Variants in SUFU observed in about 807,000 individuals in gnomAD.
SUFU encodes the protein suppressor of fused homolog.
A neutral mutation model predicts 58.9 loss-of-function variants in SUFU; 7 were observed. The observed-to-expected ratio is 0.12, with a 90% CI of 0.07 to 0.22. The LOEUF (loss-of-function observed/expected upper bound fraction) is 0.22, where lower values mean the gene tolerates loss of function less well. SUFU is among the 10% of genes least tolerant of loss of function. The pLI, the probability that SUFU is intolerant of heterozygous loss-of-function variation, is 1.00. For missense variants in SUFU, 451 were observed against 641.3 expected (o/e 0.70, Z 3.20); for synonymous variants, 232 against 254.8 (o/e 0.91, Z 0.85).
At chr10:102,614,105 C>T (rs1403462026) in intron 8 of SUFU, among the ~76,000 whole-genome samples, 1 of 152,232 alleles carries the variant, frequency 6.6e-6, no homozygotes, top group Non-Finnish European at 1.5e-5. Flanking sequence ...AATGTGCATC[C>T]TCAGAGCCTT....
chr10:102,603,082 A>G (rs1327825425), intron 8 of SUFU, among the ~76,000 whole-genome samples: 1 of 152,188 alleles, frequency 6.6e-6, no homozygotes, highest in Non-Finnish European at 1.5e-5. Context: ...CTGGTCAGAC[A>G]TGGTCTACGG....
chr10:102,599,285 G>A lies in SUFU; in HGVS notation c.911-148G>A, dbSNP rs867752782. ...TCCCCTCGCAATCTGTACTCACTCA[G>A]CGCTTACATCTGGATGCGTAGAGTG... is the stretch of plus-strand genomic sequence containing the variant. On this transcript the variant is annotated intron_variant, in intron 7 of 11. Coordinates refer to ENST00000369902, the MANE Select transcript of SUFU (RefSeq NM_016169.4). 29 of 724,948 alleles carry A rather than the reference G, an allele frequency of 4.0e-5. No homozygotes were observed. In the Middle Eastern group the frequency reaches 3.3e-3, roughly 82 times the overall value. The allele number at this position is 724,948 out of a possible 1,614,324, so 44.9% of individuals were successfully genotyped here.
rs2062360518 is a variant in SUFU at position 102,508,664 on chromosome 10, CAT to C, written c.183-503_183-502del. The stretch of plus-strand genomic sequence containing the variant: ...TTTGTTTAGAACAAACTGTAATTAA[CAT>C]AGGGCACAATATAGTCTTTCAGGAA... On this transcript the variant is annotated intron_variant, in intron 1 of 11. Coordinates refer to ENST00000369902, the MANE Select transcript of SUFU (RefSeq NM_016169.4). Among the ~76,000 whole-genome samples, 5 of 152,334 alleles carry C rather than the reference CAT, an allele frequency of 3.3e-5. No individual in the cohort carries two copies. In the South Asian group the frequency reaches 1.0e-3, roughly 32 times the overall value.
chr10:102,516,125 C>CTTTTTTTTTTTTTTT (rs60544094), intron 2 of SUFU, among the ~76,000 whole-genome samples: 4 of 125,580 alleles, frequency 3.2e-5, no homozygotes, highest in Non-Finnish European at 6.6e-5. Flanking sequence ...TCTTTCTTTT[C>CTTTTTTTTTTTTTTT]TTTTTTTTTT....
chr10:102,619,545 G>A lies in SUFU; in HGVS notation c.1296+2117G>A. On this transcript the variant is annotated intron_variant, in intron 10 of 11. Coordinates refer to ENST00000369902, the MANE Select transcript of SUFU (RefSeq NM_016169.4). This position sits in a 1 kb window ranked among gnomAD's most constrained non-coding sequence, Gnocchi z 4.2. ...GAGAGCTCCTGGGAAGGCTGGCGGAGGCCCCACACCCCAAGCACCCACCCT... is the reference window on the plus strand; with the variant it reads ...GAGAGCTCCTGGGAAGGCTGGCGGAAGCCCCACACCCCAAGCACCCACCCT... 1.9e-6 allele frequency: 2 copies of A among 1,077,108 alleles called. No individual in the cohort carries two copies. The highest frequency in any genetic ancestry group is 2.3e-6 in the Non-Finnish European group (2 of 881,640). The allele number at this position is 1,077,108 out of a possible 1,614,324, so 66.7% of individuals were successfully genotyped here.
At chr10:102,517,339 TG>T (rs2062484243) in intron 2 of SUFU, among the ~76,000 whole-genome samples, 1 of 151,668 alleles carries the variant, frequency 6.6e-6, no homozygotes. Flanking sequence ...CTGAGTGGTG[TG>T]GTATTGTAAG....
rs765358771 is a variant in SUFU, at chr10:102,630,145, C to G, written c.1445C>G (p.Pro482Arg). The change falls in exon 12 of 12, where the codon CCG (proline) becomes CGG (arginine). Residue 482 changes from proline (P) to arginine (R), a missense_variant. By Grantham distance (103) the Pro-to-Arg change is moderately radical. Transcript: ENST00000369902. ...SILPDVVFDS[P>R]LH is the part of the protein sequence containing the mutation. ...CTGCCTGACGTGGTGTTCGACAGTC[C>G]GCTACACTAGCCTGGGCTGGGCCCT... is the stretch of plus-strand genomic sequence containing the variant. 6.2e-7 allele frequency: 1 copy of G among 1,614,004 alleles called. No individual in the cohort carries two copies. Among genetic ancestry groups the G allele is most frequent in the African/African-American group, 1.3e-5 (1 of 74,930 alleles).
At chr10:102,582,831 A>G (rs577450228) in intron 3 of SUFU, among the ~76,000 whole-genome samples, 10 of 152,320 alleles carry the variant, frequency 6.6e-5, no homozygotes, top group Admixed American at 3.3e-4. Flanking sequence ...GTGTCTACCC[A>G]GCCCTTACCT....
chr10:102,592,802 G>A, intron 4 of SUFU, 78 bp downstream of exon 4: 1 of 1,528,350 alleles, frequency 6.5e-7, no homozygotes, highest in Non-Finnish European at 9.0e-7. Context: ...TGAGGAGGGG[G>A]AGTGAAGGGA....
chr10:102,517,958 GCATGT>G lies in SUFU; in HGVS notation c.317+8656_317+8660del, dbSNP rs565483802. 1.6e-3 allele frequency among the ~76,000 whole-genome samples: 247 copies of G among 152,266 alleles called. 1 individual carries two copies. The highest frequency in any genetic ancestry group is 4.3e-3 in the African/African-American group (179 of 41,550). On this transcript the variant is annotated intron_variant, in intron 2 of 11. Transcript: ENST00000369902. ...CCGAGCGCCTGCCCTTAAAAATGCA[GCATGT>G]GCTTGGTAGGAGATGGTGAGGTCCT...
chr10:102,603,509 A>G (rs970301975), intron 8 of SUFU, among the ~76,000 whole-genome samples: 10 of 152,170 alleles, frequency 6.6e-5, no homozygotes, highest in African/African-American at 2.4e-4. Context: ...TAGAGGGGAA[A>G]AGTTCCTGAC....
chr10:102,630,679 G>T lies in SUFU; in HGVS notation c.*524G>T. On this transcript the variant is annotated 3_prime_UTR_variant, in exon 12 of 12. Coordinates refer to ENST00000369902, the MANE Select transcript of SUFU (RefSeq NM_016169.4). ...TTATTTTATTTTGTAGAAACCGGGTGGTATTTTATTGCTCTGCAAAGATGT... is the reference window on the plus strand; with the variant it reads ...TTATTTTATTTTGTAGAAACCGGGTTGTATTTTATTGCTCTGCAAAGATGT... The T allele has an allele frequency of 3.4e-6, 1 of 293,730 alleles. No individual in the cohort carries two copies. 18.2% of individuals were successfully genotyped at this position (293,730 alleles called of 1,614,324 possible).
intron 2 of SUFU, among the ~76,000 whole-genome samples, chr10:102,531,082 CAAAAAAAAAA>C (rs5787463): frequency 5.2e-5 from 5 of 95,396 alleles, no homozygotes; most frequent in African/African-American, 1.2e-4. Context: ...CCATTTCTAC[CAAAAAAAAAA>C]AAAAAAAAAA....
chr10:102,516,125 C>CTTTTTTTTTTT (rs60544094), intron 2 of SUFU, among the ~76,000 whole-genome samples: 3 of 125,572 alleles, frequency 2.4e-5, no homozygotes, highest in Non-Finnish European at 3.3e-5. Context: ...TCTTTCTTTT[C>CTTTTTTTTTTT]TTTTTTTTTT....
In SUFU at chr10:102,598,433, G is replaced by A. The variant is rs541183846; in HGVS notation, c.911-1000G>A. 1.5e-4 allele frequency among the ~76,000 whole-genome samples: 23 copies of A among 152,310 alleles called. 1 individual carries two copies. In the South Asian group the frequency reaches 4.8e-3, roughly 32 times the overall value. On this transcript the variant is annotated intron_variant, in intron 7 of 11. Coordinates refer to ENST00000369902, the MANE Select transcript of SUFU (RefSeq NM_016169.4). ...AGCCTCCCGAAGTGCTGGGATTACA[G>A]ATGTGAGCCACCGCACCCGGCCAAG...
chr10:102,558,950 C>T (rs1318683101), intron 3 of SUFU, among the ~76,000 whole-genome samples: 1 of 152,224 alleles, frequency 6.6e-6, no homozygotes, highest in Non-Finnish European at 1.5e-5. Flanking sequence ...CCTTACATGG[C>T]AAGCCATCTG....
rs1160473661 is a variant in SUFU, at chr10:102,633,202, G to A, written c.*3047G>A. On this transcript the variant is annotated 3_prime_UTR_variant, in exon 12 of 12. Coordinates refer to ENST00000369902, the MANE Select transcript of SUFU (RefSeq NM_016169.4). Reference sequence around the variant, plus strand: ...TTCTAGGACATCCATGCCAGGTGAGGTGCCTGGGTCCCTGTTACAAGTCAG... The same window carrying A: ...TTCTAGGACATCCATGCCAGGTGAGATGCCTGGGTCCCTGTTACAAGTCAG... 3 of 233,202 alleles carry A rather than the reference G, an allele frequency of 1.3e-5. No homozygotes were observed. The highest frequency in any genetic ancestry group is 6.6e-5 in the African/African-American group (3 of 45,308). The allele number at this position is 233,202 out of a possible 1,614,324, so 14.4% of individuals were successfully genotyped here.
At chr10:102,576,309 A>G (rs2063211741) in intron 3 of SUFU, among the ~76,000 whole-genome samples, 1 of 151,794 alleles carries the variant, frequency 6.6e-6, no homozygotes, top group Non-Finnish European at 1.5e-5. Flanking sequence ...CTGGGTACCT[A>G]TGAAATGGTT....
intron 8 of SUFU, among the ~76,000 whole-genome samples, chr10:102,605,000 C>T (rs762873656): frequency 3.4e-5 from 5 of 146,566 alleles, no homozygotes; most frequent in Admixed American, 7.0e-5. Flanking sequence ...GGCACAATCT[C>T]GGCTTACTGC....
Sources: gnomAD v4.1 joint callset for allele counts (sites outside exome capture counted in the v4.1 genomes callset) on GRCh38, gnomAD v4.1.1 for gene constraint, Gnocchi (gnomAD v3.1) non-coding constraint, MANE v1.5 for transcripts, NCBI Gene and HGNC (gene_info 2026-07-23, HGNC 2026-07-21) for gene names.